SSH2: variants seen among roughly 807,000 people sequenced by gnomAD.
SSH2 encodes slingshot protein phosphatase 2.
Under a neutral mutation model 135.2 loss-of-function variants are expected in SSH2, and 37 were observed. The observed-to-expected ratio is 0.27, with a 90% confidence interval of 0.21 to 0.36. SSH2 has a LOEUF of 0.36. Among genes scored for constraint, SSH2 ranks in the 10% least tolerant of loss-of-function variants. The pLI is 1.00. For missense variants in SSH2, 1,408 were observed against 1,765.3 expected (o/e 0.80, Z 3.63); for synonymous variants, 628 against 646.2 (o/e 0.97, Z 0.43).
At chr17:29,827,134 G>A (rs1406362727) in intron 2 of SSH2, among the ~76,000 whole-genome samples, 1 of 152,066 alleles carries the variant, frequency 6.6e-6, no homozygotes, top group Non-Finnish European at 1.5e-5. Flanking sequence ...AACACATATG[G>A]GTAAATGCTG....
At chr17:29,662,279 T>C (rs2037079292) in intron 11 of SSH2, among the ~76,000 whole-genome samples, 1 of 152,186 alleles carries the variant, frequency 6.6e-6, no homozygotes, top group African/African-American at 2.4e-5. Context: ...GGAGTCCAAA[T>C]GTCCAAGGAA....
chr17:29,798,299 C>T (rs1207643239), intron 2 of SSH2, among the ~76,000 whole-genome samples: 3 of 151,946 alleles, frequency 2.0e-5, no homozygotes, highest in Non-Finnish European at 4.4e-5. Context: ...GCTGAGATTA[C>T]AGGCGTGTAC....
chr17:29,907,620 T>C (rs2066679637), intron 1 of SSH2, among the ~76,000 whole-genome samples: 1 of 152,260 alleles, frequency 6.6e-6, no homozygotes, highest in Non-Finnish European at 1.5e-5. Flanking sequence ...ATGAGTCTTA[T>C]TGCCCCATGG....
intron 6 of SSH2, among the ~76,000 whole-genome samples, chr17:29,678,095 T>C (rs1598779714): frequency 3.4e-5 from 1 of 29,734 alleles, no homozygotes; most frequent in Non-Finnish European, 6.2e-5. Context: ...CTCCAAGGAT[T>C]TTTTTTTTTT....
At chr17:29,745,137 G>A (rs1398701413) in intron 3 of SSH2, among the ~76,000 whole-genome samples, 1 of 151,780 alleles carries the variant, frequency 6.6e-6, no homozygotes, top group Non-Finnish European at 1.5e-5. Flanking sequence ...CCCAAAGTAT[G>A]CTCAAAGTAA....
intron 2 of SSH2, among the ~76,000 whole-genome samples, chr17:29,841,336 C>T (rs2043037537): frequency 6.6e-6 from 1 of 152,108 alleles, no homozygotes; most frequent in Admixed American, 6.5e-5. Context: ...ATAAAGTGAT[C>T]TTTAATTATT....
chr17:29,887,050 G>A (rs1309680303), intron 1 of SSH2, among the ~76,000 whole-genome samples: 1 of 152,182 alleles, frequency 6.6e-6, no homozygotes, highest in East Asian at 1.9e-4. Flanking sequence ...CCAGAGTTAA[G>A]TGGTAGCAAA....
At position 29,703,061 on chromosome 17, in the gene SSH2, T is replaced by C. The variant is rs781142758; in HGVS notation, c.190A>G (p.Ile64Val). 3 of 1,608,088 alleles carry C rather than the reference T, an allele frequency of 1.9e-6. No individual in the cohort carries two copies. In the South Asian group the frequency reaches 3.3e-5, roughly 18 times the overall value. The change falls in exon 4 of 16, where the codon ATC becomes GTC. Residue 64 changes from isoleucine to valine, a missense_variant and splice_region_variant. By Grantham distance (29) the Ile-to-Val change is conservative. Coordinates refer to ENST00000540801, the MANE Select transcript of SSH2 (RefSeq NM_001282129.2). ...TTGACAGTTAGAAAGCTCTCGCTGA[T>C]GCTACAAGGAAAAAGTCAAAAGAAA... ...EEECRSQPRS[I>V]SESFLTVKGA... is the part of the protein sequence containing the mutation.
At chr17:29,750,454 T>C in intron 3 of SSH2, among the ~76,000 whole-genome samples, 1 of 147,460 alleles carries the variant, frequency 6.8e-6, no homozygotes, top group Non-Finnish European at 1.5e-5. Context: ...AAAAAAAAAA[T>C]TTTTTTTTAA....
At chr17:29,747,634 T>C (rs918694274) in intron 3 of SSH2, among the ~76,000 whole-genome samples, 3 of 152,244 alleles carry the variant, frequency 2.0e-5, no homozygotes, top group Admixed American at 1.3e-4. Context: ...CCATCCTGTA[T>C]CATTCAACGA....
At chr17:29,635,609 C>T (rs572864667) in intron 15 of SSH2, among the ~76,000 whole-genome samples, 186 of 152,034 alleles carry the variant, frequency 1.2e-3, no homozygotes, top group Middle Eastern at 3.4e-3. Flanking sequence ...GGGGTTTCAC[C>T]GTGTTAGCCA....
intron 5 of SSH2, among the ~76,000 whole-genome samples, chr17:29,694,086 T>C (rs757183341): frequency 2.6e-5 from 4 of 152,074 alleles, no homozygotes; most frequent in Admixed American, 6.5e-5. Context: ...TTATGAGATA[T>C]TGTGATTTTT....
At chr17:29,724,341 C>T (rs1322812874) in intron 3 of SSH2, among the ~76,000 whole-genome samples, 1 of 151,918 alleles carries the variant, frequency 6.6e-6, no homozygotes, top group East Asian at 2.0e-4. Flanking sequence ...CCAGCCTGAC[C>T]AACATGGTGA....
rs2067149518 is a variant in SSH2 at position 29,929,803 on chromosome 17, G to A, written c.63+135C>T. 7.8e-6 allele frequency: 6 copies of A among 765,584 alleles called. No homozygotes were observed. In the Admixed American group the frequency reaches 1.4e-4, roughly 18 times the overall value. 47.4% of individuals were successfully genotyped at this position (765,584 alleles called of 1,614,324 possible). A position where few individuals can be genotyped will look rare whatever the true frequency, so the allele number is the denominator to read the frequency against. On this transcript the variant is annotated intron_variant, in intron 1 of 15. Coordinates refer to ENST00000540801, the MANE Select transcript of SSH2 (RefSeq NM_001282129.2). The stretch of plus-strand genomic sequence containing the variant: ...CTAGTCTTTAACATGGGGGTGTGGG[G>A]GGGTTCGCGGCAGCCGAGTGCCAAG...
intron 11 of SSH2, among the ~76,000 whole-genome samples, chr17:29,662,316 C>A (rs1479502557): frequency 6.6e-6 from 1 of 152,178 alleles, no homozygotes; most frequent in Non-Finnish European, 1.5e-5. Flanking sequence ...ACATTTATAG[C>A]AAATAAGGAC....
At chr17:29,687,053 A>G (rs2038254534) in intron 5 of SSH2, among the ~76,000 whole-genome samples, 1 of 152,220 alleles carries the variant, frequency 6.6e-6, no homozygotes, top group South Asian at 2.1e-4. Context: ...TTCCTTAGAG[A>G]AACAGAATTC....
intron 1 of SSH2, among the ~76,000 whole-genome samples, chr17:29,879,729 T>C (rs2066102476): frequency 6.6e-6 from 1 of 152,214 alleles, no homozygotes; most frequent in Admixed American, 6.5e-5. Context: ...GTCTTTTTCT[T>C]TGCAAAGTCT....
At chr17:29,913,452 G>A (rs1389587458) in intron 1 of SSH2, among the ~76,000 whole-genome samples, 1 of 133,006 alleles carries the variant, frequency 7.5e-6, no homozygotes, top group Non-Finnish European at 1.5e-5. Flanking sequence ...CTGCCCAAGA[G>A]GTAAGCTGTT....
At chr17:29,699,839 C>T (rs1333294314) in intron 4 of SSH2, among the ~76,000 whole-genome samples, 1 of 152,078 alleles carries the variant, frequency 6.6e-6, no homozygotes, top group Non-Finnish European at 1.5e-5. Context: ...GGGAAGTGTC[C>T]TCCCCTACCC....
Sources: gnomAD v4.1 joint callset for allele counts (sites outside exome capture counted in the v4.1 genomes callset) on GRCh38, gnomAD v4.1.1 for gene constraint, MANE v1.5 for transcripts, NCBI Gene and HGNC (gene_info 2026-07-23, HGNC 2026-07-21) for gene names.